The following DEPDC1B variants were observed in gnomAD, a reference collection of about 807,000 sequenced individuals.
DEPDC1B encodes the protein DEP domain containing 1B.
In DEPDC1B, 51 loss-of-function variants were observed where a neutral mutation model predicts 66.5. The ratio of observed to expected loss-of-function variants is 0.77; its 90% CI spans 0.61 to 0.97. The LOEUF (loss-of-function observed/expected upper bound fraction) is 0.97. DEPDC1B is among the 50% of genes least tolerant of loss of function. DEPDC1B has a pLI of 0.00. For missense variants in DEPDC1B, 552 were observed against 637.1 expected (o/e 0.87, Z 1.44); for synonymous variants, 226 against 223.6 (o/e 1.01, Z -0.10).
intron 2 of DEPDC1B, among the ~76,000 whole-genome samples, chr5:60,653,302 G>C (rs1467945977): frequency 6.7e-6 from 1 of 149,132 alleles, no homozygotes; most frequent in Non-Finnish European, 1.5e-5. Context: ...TCTTGCAGGA[G>C]TACAGTGGTA....
chr5:60,650,199 T>C (rs1480443836), intron 2 of DEPDC1B, among the ~76,000 whole-genome samples: 1 of 151,576 alleles, frequency 6.6e-6, no homozygotes, highest in African/African-American at 2.4e-5. Flanking sequence ...AGTAAAAAAA[T>C]AAGAAACATG....
At chr5:60,689,114 A>C in intron 1 of DEPDC1B, 1 of 454,968 alleles carries the variant, frequency 2.2e-6, no homozygotes. Context: ...GTTCTGCCAT[A>C]TACTGGTTGC....
intron 2 of DEPDC1B, among the ~76,000 whole-genome samples, chr5:60,649,973 A>G (rs1423482566): frequency 6.6e-6 from 1 of 152,058 alleles, no homozygotes; most frequent in African/African-American, 2.4e-5. Context: ...ATATCATACA[A>G]TGTTAATTTT....
chr5:60,637,616 A>G (rs1299769579), intron 7 of DEPDC1B, among the ~76,000 whole-genome samples: 1 of 152,232 alleles, frequency 6.6e-6, no homozygotes, highest in Non-Finnish European at 1.5e-5. Context: ...AACAGCAAAT[A>G]TTCATCATTA....
chr5:60,599,188 C>A lies in DEPDC1B; in HGVS notation c.1315G>T (p.Glu439Ter). Residue 439 changes from glutamate (E) to a stop codon, truncating the protein, a stop_gained, in exon 10 of 11, where the codon GAA becomes TAA. Transcript: ENST00000265036. LOFTEE classifies it high-confidence loss of function. ...PSFCRQISPE[E>*]FEYQRSYGSQ... Reference sequence around the variant, plus strand: ...CCATATGATCTTTGATATTCAAATTCCTCTGGACTAATTTGACGGCAAAAT... The same window carrying A: ...CCATATGATCTTTGATATTCAAATTACTCTGGACTAATTTGACGGCAAAAT... 1 of 1,612,872 alleles carries A rather than the reference C, an allele frequency of 6.2e-7. No individual in the cohort carries two copies. Among genetic ancestry groups the A allele is most frequent in the Non-Finnish European group, 8.5e-7 (1 of 1,179,518 alleles).
At chr5:60,607,302 G>A (rs916179642) in intron 7 of DEPDC1B, among the ~76,000 whole-genome samples, 2 of 152,134 alleles carry the variant, frequency 1.3e-5, no homozygotes, top group African/African-American at 4.8e-5. Flanking sequence ...GGGAAAGGAG[G>A]GCAGAAGACA....
In DEPDC1B at chr5:60,664,548, G is replaced by A. The variant is rs186424529; in HGVS notation, c.315-17015C>T. Among the ~76,000 whole-genome samples the A allele has an allele frequency of 5.6e-3, 860 of 152,284 alleles. 8 individuals are homozygous for A. Among genetic ancestry groups the A allele is most frequent in the Non-Finnish European group, 5.2e-3 (351 of 68,028 alleles). On this transcript the variant is annotated intron_variant, in intron 2 of 10. Transcript: ENST00000265036. ...CCAGACAATGAAGAAAAGATAGAAC[G>A]TAACTGTCAACAAGTAATTGCTCAA... is the stretch of plus-strand genomic sequence containing the variant.
intron 7 of DEPDC1B, among the ~76,000 whole-genome samples, chr5:60,622,607 G>A (rs1051355253): frequency 2.0e-5 from 3 of 152,186 alleles, no homozygotes; most frequent in Non-Finnish European, 4.4e-5. Context: ...AGTTAGAAAT[G>A]ATGAACTCAT....
chr5:60,668,207 T>TTA (rs372604342), intron 2 of DEPDC1B, among the ~76,000 whole-genome samples: 9 of 35,516 alleles, frequency 2.5e-4, no homozygotes, highest in Non-Finnish European at 4.3e-4. Flanking sequence ...AATGGATATT[T>TTA]TATATATATA....
At chr5:60,628,129 G>A (rs144445019) in intron 7 of DEPDC1B, 22 of 152,276 alleles carry the variant, frequency 1.4e-4, no homozygotes, top group African/African-American at 4.1e-4. Context: ...AACACTCAAG[G>A]AAACCCAACT....
chr5:60,623,677 C>T (rs904450230), intron 7 of DEPDC1B, among the ~76,000 whole-genome samples: 1 of 152,230 alleles, frequency 6.6e-6, no homozygotes, highest in Non-Finnish European at 1.5e-5. Context: ...TTATTTAAGT[C>T]ATCCTTAGTT....
intron 7 of DEPDC1B, among the ~76,000 whole-genome samples, chr5:60,624,801 C>A (rs1350315185): frequency 6.6e-6 from 1 of 152,058 alleles, no homozygotes; most frequent in Non-Finnish European, 1.5e-5. Context: ...ATACATGTGC[C>A]ATGGTGGTTT....
chr5:60,654,129 T>C (rs868484968), intron 2 of DEPDC1B, among the ~76,000 whole-genome samples: 1 of 149,236 alleles, frequency 6.7e-6, no homozygotes. Flanking sequence ...TTGTTTTTAC[T>C]AGTTCTGTGA....
intron 2 of DEPDC1B, among the ~76,000 whole-genome samples, chr5:60,686,517 C>A (rs140425986): frequency 3.3e-5 from 5 of 152,310 alleles, no homozygotes; most frequent in African/African-American, 1.2e-4. Flanking sequence ...TAATCTGAGA[C>A]ATCAGGGAAT....
At chr5:60,647,560 T>C (rs1279836546) in intron 2 of DEPDC1B, 27 bp from the exon 3 acceptor site, 1 of 1,607,648 alleles carries the variant, frequency 6.2e-7, no homozygotes, top group Non-Finnish European at 8.5e-7. Context: ...AATTCTCTAT[T>C]ACTGCAGTCA....
Position 60,645,690 on chromosome 5 carries a change from AT to A in DEPDC1B, c.451-72del, listed in dbSNP as rs1290582260. The stretch of plus-strand genomic sequence containing the variant: ...AAAGACAGTGAATAAATATTTCAAT[AT>A]AAGGTGGTGGGATTTTTATGAGAAA... On this transcript the variant is annotated intron_variant, in intron 3 of 10. Coordinates refer to ENST00000265036, the MANE Select transcript of DEPDC1B (RefSeq NM_018369.3). The A allele has an allele frequency of 1.7e-4, 255 of 1,463,092 alleles. No homozygotes were observed. In the East Asian group the frequency reaches 6.0e-3, roughly 34 times the overall value. 90.6% of individuals were successfully genotyped at this position (1,463,092 alleles called of 1,614,324 possible).
At chr5:60,625,090 G>C (rs1752783460) in intron 7 of DEPDC1B, among the ~76,000 whole-genome samples, 1 of 152,078 alleles carries the variant, frequency 6.6e-6, no homozygotes, top group Admixed American at 6.5e-5. Context: ...ATTTTTTATA[G>C]CTGCATAGTA....
At chr5:60,601,204 C>G (rs1752193888) in intron 9 of DEPDC1B, among the ~76,000 whole-genome samples, 1 of 152,172 alleles carries the variant, frequency 6.6e-6, no homozygotes, top group African/African-American at 2.4e-5. Context: ...AGCATGAGAG[C>G]AGACTAATAC....
chr5:60,635,752 C>T (rs1028393498), intron 7 of DEPDC1B, among the ~76,000 whole-genome samples: 8 of 152,030 alleles, frequency 5.3e-5, no homozygotes, highest in Non-Finnish European at 2.9e-5. Context: ...AAATTCAAGC[C>T]CAGGGCTGCC....
Sources: gnomAD v4.1 joint callset for allele counts (sites outside exome capture counted in the v4.1 genomes callset) on GRCh38, gnomAD v4.1.1 for gene constraint, MANE v1.5 for transcripts, NCBI Gene and HGNC (gene_info 2026-07-23, HGNC 2026-07-21) for gene names.